ATP2A3: variants seen among roughly 807,000 people sequenced by gnomAD.
ATP2A3 encodes the protein sarcoplasmic/endoplasmic reticulum calcium ATPase 3.
Under a neutral mutation model 106.8 loss-of-function variants are expected in ATP2A3, and 61 were observed. The ratio of observed to expected loss-of-function variants is 0.57; its 90% CI spans 0.46 to 0.71. The LOEUF (loss-of-function observed/expected upper bound fraction) is 0.71, where lower values mean the gene tolerates loss of function less well. Among genes scored for constraint, ATP2A3 ranks in the 30% least tolerant of loss-of-function variants. The pLI is 0.00. For missense variants in ATP2A3, 1,201 were observed against 1,423.5 expected, an observed-to-expected ratio of 0.84 and a Z score of 2.52; for synonymous variants, 611 against 609.3, an observed-to-expected ratio of 1.00 and a Z score of -0.04.
intron 10 of ATP2A3, 124 bp from the exon 11 acceptor site, chr17:3,943,646 G>A (rs1419526409): frequency 1.7e-5 from 26 of 1,493,538 alleles, no homozygotes; most frequent in Middle Eastern, 2.0e-4. Context: ...CCTTTGCACC[G>A]GCCCGTGAGC....
chr17:3,951,559 T>TGCCC, intron 4 of ATP2A3, 22 bp downstream of exon 4: 1 of 596,270 alleles, frequency 1.7e-6, no homozygotes. Context: ...CCCCGCCCGG[T>TGCCC]CCCACCCCCA....
intron 1 of ATP2A3, among the ~76,000 whole-genome samples, chr17:3,963,277 T>C (rs895706805): frequency 2.0e-5 from 3 of 152,168 alleles, no homozygotes; most frequent in African/African-American, 4.8e-5. Flanking sequence ...GGTGAGGGTA[T>C]TTCTCCTGGG....
At chr17:3,950,460 T>C (rs746680164) in intron 7 of ATP2A3, 51 bp downstream of exon 7, 1 of 1,572,864 alleles carries the variant, frequency 6.4e-7, no homozygotes, top group East Asian at 2.2e-5. Context: ...ATAATCCTAA[T>C]GTTGTTATTT....
Position 3,936,701 on chromosome 17 carries a change from T to C in ATP2A3, c.2322-232A>G. 3 of 579,304 alleles carry C rather than the reference T, an allele frequency of 5.2e-6. No individual in the cohort carries two copies. Among genetic ancestry groups the C allele is most frequent in the South Asian group, 3.8e-5 (2 of 52,410 alleles). The allele number at this position is 579,304 out of a possible 1,614,324, so 35.9% of individuals were successfully genotyped here. Reference sequence around the variant, plus strand: ...CTGGATCCTGGACATACCTGCTCTTTAGGCCTAGCAGAGGCCAAGTACACA... The same window carrying C: ...CTGGATCCTGGACATACCTGCTCTTCAGGCCTAGCAGAGGCCAAGTACACA... On this transcript the variant is annotated intron_variant, in intron 15 of 20. Coordinates refer to ENST00000397041, the MANE Select transcript of ATP2A3 (RefSeq NM_005173.4). The surrounding 1 kb of genome is among the most constrained non-coding windows in gnomAD (Gnocchi z 5.4).
chr17:3,951,543 A>ACCCCCCCCCCCCCC, intron 4 of ATP2A3, 38 bp downstream of exon 4: 95 of 1,386,888 alleles, frequency 6.8e-5, no homozygotes, highest in Non-Finnish European at 8.7e-5. Flanking sequence ...TGGCTGGGAG[A>ACCCCCCCCCCCCCC]CCGCCCCCCG....
rs1238758386 is a variant in ATP2A3, at chr17:3,947,106, C to T, written c.1095+285G>A. Reference sequence around the variant, plus strand: ...TGTCCTTTACGTTTACCTAGCAGGGCTCACACAGCCAGGCTTCCAATGAGG... The same window carrying T: ...TGTCCTTTACGTTTACCTAGCAGGGTTCACACAGCCAGGCTTCCAATGAGG... On this transcript the variant is annotated intron_variant, in intron 8 of 20. Coordinates refer to ENST00000397041, the MANE Select transcript of ATP2A3 (RefSeq NM_005173.4). The surrounding 1 kb of genome is among the most constrained non-coding windows in gnomAD (Gnocchi z 7.7). Among the ~76,000 whole-genome samples, 1 of 152,250 alleles carries T rather than the reference C, an allele frequency of 6.6e-6. No individual in the cohort carries two copies. Among genetic ancestry groups the T allele is most frequent in the Non-Finnish European group, 1.5e-5 (1 of 68,046 alleles).
Position 3,947,550 on chromosome 17 carries a change from C to A in ATP2A3, c.936G>T (p.Pro312=). 1 of 1,613,120 alleles carries A rather than the reference C, an allele frequency of 6.2e-7. No individual in the cohort carries two copies. The highest frequency in any genetic ancestry group is 8.5e-7 in the Non-Finnish European group (1 of 1,179,950). The change falls in exon 8 of 21, where the codon CCG becomes CCT. Residue 312 remains proline (P), a synonymous_variant. Transcript: ENST00000397041. This position sits in a 1 kb window ranked among gnomAD's most constrained non-coding sequence, Gnocchi z 7.7. ...GTGCCAGGCATGTAGTGATGACAGC[C>A]GGGAGGCCCTCGGGGATGGCCGCCA... The part of the protein sequence containing the change: ...LAVAAIPEGL[P]AVITTCLALG...
At chr17:3,958,239 G>A (rs537296403) in intron 1 of ATP2A3, among the ~76,000 whole-genome samples, 48 of 152,198 alleles carry the variant, frequency 3.2e-4, no homozygotes, top group Non-Finnish European at 5.7e-4. Flanking sequence ...AAGATTGAAC[G>A]GCATGCATAA....
chr17:3,935,112 C>A (rs565405967), intron 17 of ATP2A3, 80 bp downstream of exon 17: 5 of 1,429,504 alleles, frequency 3.5e-6, no homozygotes, highest in African/African-American at 2.8e-5. Context: ...GCCACCCATG[C>A]GGCTCTAGAC....
chr17:3,946,942 C>A (rs1399790403), intron 8 of ATP2A3, among the ~76,000 whole-genome samples: 1 of 152,240 alleles, frequency 6.6e-6, no homozygotes, highest in Non-Finnish European at 1.5e-5. Flanking sequence ...ATAATTCCTG[C>A]CCTGGCCCTT....
chr17:3,938,492 G>C (rs1003267365), intron 14 of ATP2A3, among the ~76,000 whole-genome samples: 1 of 152,026 alleles, frequency 6.6e-6, no homozygotes, highest in Non-Finnish European at 1.5e-5. Context: ...TTGGGGGTGG[G>C]GCAGTGTCAA....
At chr17:3,933,195 C>T (rs895599309) in intron 17 of ATP2A3, among the ~76,000 whole-genome samples, 10 of 151,570 alleles carry the variant, frequency 6.6e-5, no homozygotes, top group African/African-American at 2.2e-4. Flanking sequence ...GCAGGAGAAT[C>T]GCTTGAACCC....
rs1021132863 is a variant in ATP2A3 at position 3,964,207 on chromosome 17, C to T, written c.85G>A (p.Val29Met). 1 of 1,260,714 alleles carries T rather than the reference C, an allele frequency of 7.9e-7. No individual in the cohort carries two copies. Among genetic ancestry groups the T allele is most frequent in the Non-Finnish European group, 1.0e-6 (1 of 991,654 alleles). 78.1% of individuals were successfully genotyped at this position (1,260,714 alleles called of 1,614,324 possible). A position where few individuals can be genotyped will look rare whatever the true frequency, so the allele number is the denominator to read the frequency against. ...TAEGGLSPAQ[V>M]TGARERYGPN... Reference sequence around the variant, plus strand: ...CCGTAGCGCTCCCGCGCGCCGGTCACCTGCGCCGGGCTCAGGCCGCCCTCG... The same window carrying T: ...CCGTAGCGCTCCCGCGCGCCGGTCATCTGCGCCGGGCTCAGGCCGCCCTCG... The change falls in exon 1 of 21, where the codon GTG becomes ATG. Residue 29 changes from valine (V) to methionine (M), a missense_variant. Coordinates refer to ENST00000397041, the MANE Select transcript of ATP2A3 (RefSeq NM_005173.4).
At chr17:3,946,223 A>G (rs1488277714) in intron 8 of ATP2A3, among the ~76,000 whole-genome samples, 1 of 148,108 alleles carries the variant, frequency 6.8e-6, no homozygotes, top group East Asian at 2.0e-4. Flanking sequence ...CAGTCTGGCA[A>G]CAGAGTGAGA....
chr17:3,961,585 A>T (rs1414215804), intron 1 of ATP2A3, among the ~76,000 whole-genome samples: 1 of 152,214 alleles, frequency 6.6e-6, no homozygotes, highest in African/African-American at 2.4e-5. Context: ...AAGCTTCAGG[A>T]CTTAAGCAAA....
At position 3,937,510 on chromosome 17, in the gene ATP2A3, T is replaced by G; in HGVS notation, c.2227A>C (p.Ile743Leu). Residue 743 changes from isoleucine (I) to leucine (L), a missense_variant, in exon 15 of 21, where the codon ATC becomes CTC. Transcript: ENST00000397041. ...MVLSDDNFAS[I>L]VAAVEEGRAI... ...CGGCCCTCCTCCACCGCAGCCACGA[T>G]GGAGGCAAAGTTGTCATCTGACAGC... The G allele has an allele frequency of 6.2e-7, 1 of 1,614,184 alleles. No individual in the cohort carries two copies. The highest frequency in any genetic ancestry group is 2.2e-5 in the East Asian group (1 of 44,880).
In ATP2A3 at chr17:3,953,059, G is replaced by C. The variant is rs887386; in HGVS notation, c.219+288C>G. Among the ~76,000 whole-genome samples, 41,209 of 152,132 alleles carry C rather than the reference G, an allele frequency of 0.27. 6,037 individuals carry two copies. The highest frequency in any genetic ancestry group is 0.35 in the African/African-American group (14,581 of 41,482). On this transcript the variant is annotated intron_variant, in intron 3 of 20. Coordinates refer to ENST00000397041, the MANE Select transcript of ATP2A3 (RefSeq NM_005173.4). This position sits in a 1 kb window ranked among gnomAD's most constrained non-coding sequence, Gnocchi z 5.1. ...AGTGCTGAGGCAGAGAAACCCTAGG[G>C]TACAGCAGGGCGGGGCGGGGGGCAG...
intron 13 of ATP2A3, 65 bp from the exon 14 acceptor site, chr17:3,941,371 G>A: frequency 3.1e-6 from 5 of 1,612,858 alleles, no homozygotes; most frequent in Non-Finnish European, 4.2e-6. Flanking sequence ...CTGCTCAGCT[G>A]CTGCAGGGAG....
At chr17:3,950,631 G>A in intron 6 of ATP2A3, 35 bp from the exon 7 acceptor site, 1 of 1,613,800 alleles carries the variant, frequency 6.2e-7, no homozygotes. Flanking sequence ...AGCCCCACAT[G>A]AAGACACGCC....
Sources: allele counts gnomAD v4.1 joint callset (sites outside exome capture counted in the v4.1 genomes callset), GRCh38; gene constraint gnomAD v4.1.1; non-coding constraint Gnocchi (gnomAD v3.1); transcripts MANE v1.5; gene names NCBI Gene and HGNC (gene_info 2026-07-23, HGNC 2026-07-21).